Variants in ADCK2 observed in about 807,000 individuals in gnomAD.
ADCK2 encodes the protein aarF domain containing kinase 2, also known as uncharacterized aarF domain-containing protein kinase 2.
In ADCK2, 37 loss-of-function variants were observed where a neutral mutation model predicts 52.3. The ratio of observed to expected loss-of-function variants is 0.71; its 90% CI spans 0.54 to 0.93. The LOEUF is 0.93. ADCK2 is among the 40% of genes least tolerant of loss of function. The pLI is 0.00. For missense variants in ADCK2, 695 were observed against 798.7 expected, an observed-to-expected ratio of 0.87 and a Z score of 1.56; for synonymous variants, 321 against 349.2, an observed-to-expected ratio of 0.92 and a Z score of 0.90.
rs368494131 is a variant in ADCK2, at chr7:140,673,439, G to A, written c.109G>A (p.Ala37Thr). 17 of 1,606,096 alleles carry A rather than the reference G, an allele frequency of 1.1e-5. No individual in the cohort carries two copies. The highest frequency in any genetic ancestry group is 1.4e-5 in the Non-Finnish European group (17 of 1,176,720). Residue 37 changes from alanine to threonine, a missense_variant, in exon 1 of 8, where the codon GCC (alanine) becomes ACC (threonine). Ala to Thr is a moderately conservative substitution (Grantham distance 58, BLOSUM62 0). Coordinates refer to ENST00000072869, the MANE Select transcript of ADCK2 (RefSeq NM_052853.4). The surrounding 1 kb of genome is among the most constrained non-coding windows in gnomAD (Gnocchi z 6.4). ...LLRPSECPRD[A>T]RLCWLLLGTL... ...GAGGCCCTCCGAGTGCCCTCGCGATGCCAGGCTCTGCTGGCTTCTGCTGGG... is the reference window on the plus strand; with the variant it reads ...GAGGCCCTCCGAGTGCCCTCGCGATACCAGGCTCTGCTGGCTTCTGCTGGG...
chr7:140,687,012 A>G lies in ADCK2; in HGVS notation c.1328A>G (p.His443Arg), dbSNP rs966828430. 1 of 1,614,056 alleles carries G rather than the reference A, an allele frequency of 6.2e-7. No individual in the cohort carries two copies. The highest frequency in any genetic ancestry group is 8.5e-7 in the Non-Finnish European group (1 of 1,179,942). ...LKMIFVDNFV[H>R]ADLHPGNILV... is the part of the protein sequence containing the mutation. ...CAGATATTTGTGGATAACTTTGTCC[A>G]TGCAGACCTTCACCCTGGAAACATC... The change falls in exon 5 of 8, where the codon CAT (histidine) becomes CGT (arginine). Residue 443 changes from histidine (H) to arginine (R), a missense_variant. Transcript: ENST00000072869.
At chr7:140,685,167 G>T (rs1243297043) in intron 4 of ADCK2, among the ~76,000 whole-genome samples, 2 of 151,972 alleles carry the variant, frequency 1.3e-5, no homozygotes, top group African/African-American at 2.4e-5. Context: ...AAGTATACTA[G>T]GCCAGGCATG....
intron 6 of ADCK2, among the ~76,000 whole-genome samples, chr7:140,690,445 C>T (rs567128001): frequency 9.2e-5 from 14 of 151,740 alleles, no homozygotes; most frequent in South Asian, 8.3e-4. Flanking sequence ...TCAAGTGATC[C>T]GCCCGCCTTG....
Position 140,673,654 on chromosome 7 carries a change from G to T in ADCK2, c.324G>T (p.Val108=). The change falls in exon 1 of 8, where the codon GTG becomes GTT. Residue 108 remains valine (V), a synonymous_variant. Coordinates refer to ENST00000072869, the MANE Select transcript of ADCK2 (RefSeq NM_052853.4). This position sits in a 1 kb window ranked among gnomAD's most constrained non-coding sequence, Gnocchi z 6.4. ...RLWLRAGALL[V]KFFPLLLLYP... ...GGCTTCGCGCCGGCGCTCTGTTGGT[G>T]AAATTCTTCCCCCTCCTACTCCTCT... The T allele has an allele frequency of 6.2e-7, 1 of 1,610,768 alleles. No individual in the cohort carries two copies. The highest frequency in any genetic ancestry group is 8.5e-7 in the Non-Finnish European group (1 of 1,179,956).
Position 140,687,238 on chromosome 7 carries a change from G to T in ADCK2, c.1554G>T (p.Gly518=), listed in dbSNP as rs773901922. 2 of 1,561,156 alleles carry T rather than the reference G, an allele frequency of 1.3e-6. No homozygotes were observed. The highest frequency in any genetic ancestry group is 1.7e-6 in the Non-Finnish European group (2 of 1,149,944). The change falls in exon 5 of 8, where the codon GGG becomes GGT. Residue 518 remains glycine, a synonymous_variant. Coordinates refer to ENST00000072869, the MANE Select transcript of ADCK2 (RefSeq NM_052853.4). The stretch of plus-strand genomic sequence containing the variant: ...CAGTTTTCATGGCTGTGGTGATGGG[G>T]CAGGTGAGACGCACTGGGACCACAG... ...FRAVFMAVVM[G]QGQRVAELIL... is the part of the protein sequence containing the mutation.
In ADCK2 at chr7:140,674,981, G is replaced by A. The variant is rs1238174571; in HGVS notation, c.1080+224G>A. On this transcript the variant is annotated intron_variant, in intron 2 of 7. Coordinates refer to ENST00000072869, the MANE Select transcript of ADCK2 (RefSeq NM_052853.4). The surrounding 1 kb of genome is among the most constrained non-coding windows in gnomAD (Gnocchi z 4.6). ...GTTCTGGCCGGGCGTGGTGGCTCAT[G>A]TGTGTAATCCTAGGACTTTGGGAGG... is the stretch of plus-strand genomic sequence containing the variant. 6.6e-6 allele frequency among the ~76,000 whole-genome samples: 1 copy of A among 152,206 alleles called. No individual in the cohort carries two copies. Among genetic ancestry groups the A allele is most frequent in the Non-Finnish European group, 1.5e-5 (1 of 68,038 alleles).
rs1472310242 is a variant in ADCK2, at chr7:140,687,176, G to A, written c.1492G>A (p.Ala498Thr). Residue 498 changes from alanine (A) to threonine (T), a missense_variant, in exon 5 of 8, where the codon GCG (alanine) becomes ACG (threonine). Ala to Thr is a moderately conservative substitution (Grantham distance 58). Transcript: ENST00000072869. ...GGTGCTGCTGGATGCTGGCATTGTG[G>A]CGGAGCTGCAGGCCCCTGACCTGAG... ...RLVLLDAGIV[A>T]ELQAPDLRNF... The A allele has an allele frequency of 6.2e-7, 1 of 1,602,312 alleles. No individual in the cohort carries two copies. The highest frequency in any genetic ancestry group is 8.5e-7 in the Non-Finnish European group (1 of 1,173,880).
intron 5 of ADCK2, 46 bp from the exon 6 acceptor site, chr7:140,689,551 T>G: frequency 6.5e-7 from 1 of 1,538,150 alleles, no homozygotes; most frequent in South Asian, 1.2e-5. Flanking sequence ...CGCATCCAGG[T>G]TTATGCTAGC....
At chr7:140,689,268 C>CT (rs1324525132) in intron 5 of ADCK2, among the ~76,000 whole-genome samples, 2 of 151,884 alleles carry the variant, frequency 1.3e-5, no homozygotes, top group Non-Finnish European at 2.9e-5. Context: ...GCATCTGGCT[C>CT]TTTTTAAAAA....
At position 140,674,223 on chromosome 7, in the gene ADCK2, A is replaced by G. The variant is rs1328807301; in HGVS notation, c.893A>G (p.His298Arg). Residue 298 changes from histidine to arginine, a missense_variant, in exon 1 of 8, where the codon CAC becomes CGC. His to Arg is a conservative substitution (Grantham distance 29, BLOSUM62 0). Coordinates refer to ENST00000072869, the MANE Select transcript of ADCK2 (RefSeq NM_052853.4). This position sits in a 1 kb window ranked among gnomAD's most constrained non-coding sequence, Gnocchi z 4.6. ...GTGTCTCGGGCTCAGGTCCCTGGCC[A>G]CCAACCTGAGGCCACCAACCTCATC... ...AGVSRAQVPG[H>R]QPEATNLISV... 6.2e-7 allele frequency: 1 copy of G among 1,613,458 alleles called. No homozygotes were observed. Among genetic ancestry groups the G allele is most frequent in the African/African-American group, 1.3e-5 (1 of 74,852 alleles).
At chr7:140,690,893 G>C in intron 7 of ADCK2, 80 bp downstream of exon 7, 1 of 1,293,550 alleles carries the variant, frequency 7.7e-7, no homozygotes. Context: ...GGTGGTGGGA[G>C]GCGCTTCTAT....
chr7:140,691,127 T>C (rs932703715), intron 7 of ADCK2, among the ~76,000 whole-genome samples: 1 of 152,050 alleles, frequency 6.6e-6, no homozygotes, highest in African/African-American at 2.4e-5. Flanking sequence ...GATTTCACCA[T>C]GTTGGCCAGG....
intron 5 of ADCK2, among the ~76,000 whole-genome samples, chr7:140,687,532 C>T (rs531391743): frequency 5.9e-4 from 89 of 152,082 alleles, no homozygotes; most frequent in Non-Finnish European, 1.0e-3. Context: ...CTGGCCAACA[C>T]GGTGAAATCC....
intron 5 of ADCK2, among the ~76,000 whole-genome samples, chr7:140,689,129 G>A (rs944683564): frequency 2.0e-4 from 31 of 151,774 alleles, no homozygotes; most frequent in African/African-American, 7.0e-4. Flanking sequence ...CACCATGCCC[G>A]GCTAATTTTT....
At chr7:140,691,438 T>A (rs1361739825) in intron 7 of ADCK2, among the ~76,000 whole-genome samples, 1 of 152,228 alleles carries the variant, frequency 6.6e-6, no homozygotes, top group African/African-American at 2.4e-5. Context: ...ATGTAAGTCA[T>A]GCTTAGCTCT....
intron 6 of ADCK2, among the ~76,000 whole-genome samples, chr7:140,690,272 G>A (rs1344811098): frequency 5.9e-5 from 9 of 152,030 alleles, no homozygotes; most frequent in African/African-American, 1.9e-4. Context: ...ATGCTGTCTC[G>A]GCTCACTGCA....
At chr7:140,688,048 C>CTT (rs915313437) in intron 5 of ADCK2, among the ~76,000 whole-genome samples, 2 of 141,448 alleles carry the variant, frequency 1.4e-5, no homozygotes, top group Admixed American at 7.1e-5. Flanking sequence ...CTGTCTCTGT[C>CTT]TTTTTTTTTT....
chr7:140,683,438 C>T (rs1264675713), intron 4 of ADCK2, among the ~76,000 whole-genome samples: 5 of 152,138 alleles, frequency 3.3e-5, no homozygotes, highest in Non-Finnish European at 7.4e-5. Context: ...GATTCTTGGA[C>T]ATTTAAACAT....
chr7:140,694,030 G>T (rs1794753063), intron 7 of ADCK2, among the ~76,000 whole-genome samples: 1 of 152,164 alleles, frequency 6.6e-6, no homozygotes, highest in South Asian at 2.1e-4. Context: ...TCTTAAAAAG[G>T]CTATTGTAGA....
Sources: allele counts gnomAD v4.1 joint callset (sites outside exome capture counted in the v4.1 genomes callset), GRCh38; gene constraint gnomAD v4.1.1; non-coding constraint Gnocchi (gnomAD v3.1); transcripts MANE v1.5; gene names NCBI Gene and HGNC (gene_info 2026-07-23, HGNC 2026-07-21).